The following CDH4 variants were observed in gnomAD, a reference collection of about 807,000 sequenced individuals.
CDH4 encodes cadherin 4, also known as cadherin-4.
CDH4 carries 33 observed loss-of-function variants against 86.0 expected under a neutral mutation model. The observed-to-expected ratio is 0.38, with a 90% CI of 0.29 to 0.51. The LOEUF is 0.51. CDH4 is among the 20% of genes least tolerant of loss of function. The pLI, the probability that CDH4 is intolerant of heterozygous loss-of-function variation, is 0.86. For missense variants in CDH4, 1,114 were observed against 1,307.4 expected (o/e 0.85, Z 2.28); for synonymous variants, 555 against 549.4 (o/e 1.01, Z -0.14).
chr20:61,559,397 G>A (rs920106274), intron 2 of CDH4, among the ~76,000 whole-genome samples: 1 of 152,148 alleles, frequency 6.6e-6, no homozygotes, highest in South Asian at 2.1e-4. Context: ...GACCGAAGGG[G>A]AGGACCTCCG....
At chr20:61,456,326 A>T (rs962335564) in intron 2 of CDH4, among the ~76,000 whole-genome samples, 17 of 152,224 alleles carry the variant, frequency 1.1e-4, no homozygotes, top group Admixed American at 1.1e-3. Flanking sequence ...CTTTTGGAAG[A>T]ACATTAAGTT....
chr20:61,365,814 A>C (rs2084808424), intron 2 of CDH4, among the ~76,000 whole-genome samples: 1 of 152,148 alleles, frequency 6.6e-6, no homozygotes, highest in African/African-American at 2.4e-5. Context: ...CGCTCAGATC[A>C]ACAATCAATA....
intron 2 of CDH4, among the ~76,000 whole-genome samples, chr20:61,572,044 C>T (rs1194253984): frequency 2.0e-5 from 3 of 152,064 alleles, no homozygotes; most frequent in South Asian, 2.1e-4. Context: ...GCCCTTCCCG[C>T]GTGAGTGAGA....
intron 2 of CDH4, among the ~76,000 whole-genome samples, chr20:61,601,871 T>C (rs2427170): frequency 0.6 from 91,380 of 152,116 alleles, 29,185 homozygotes; most frequent in Non-Finnish European, 0.71. Flanking sequence ...GAAAGCAGTG[T>C]CGCGTTCAGT....
intron 15 of CDH4, among the ~76,000 whole-genome samples, chr20:61,936,350 A>T (rs1271598479): frequency 3.1e-4 from 1 of 3,264 alleles, no homozygotes; most frequent in African/African-American, 1.4e-3. Flanking sequence ...CTTCCCCCAC[A>T]CCCCTTCCCC....
chr20:61,894,216 C>T (rs1984988950), intron 7 of CDH4, among the ~76,000 whole-genome samples: 1 of 152,166 alleles, frequency 6.6e-6, no homozygotes, highest in African/African-American at 2.4e-5. Flanking sequence ...CCTCTGCCAG[C>T]TCAGGGATTT....
chr20:61,898,833 G>A (rs542968477), intron 8 of CDH4, among the ~76,000 whole-genome samples: 3 of 152,328 alleles, frequency 2.0e-5, no homozygotes, highest in African/African-American at 7.2e-5. Flanking sequence ...CTCTAAAAAT[G>A]CCATGGGTGG....
chr20:61,589,993 G>A (rs934370947), intron 2 of CDH4, among the ~76,000 whole-genome samples: 2 of 152,046 alleles, frequency 1.3e-5, no homozygotes, highest in Non-Finnish European at 2.9e-5. Context: ...GCCCAGCTGG[G>A]AGAGGGAGTC....
chr20:61,844,539 TGTG>T, intron 4 of CDH4, 126 bp from the exon 5 acceptor site: 1 of 826,054 alleles, frequency 1.2e-6, no homozygotes, highest in Non-Finnish European at 1.9e-6. Flanking sequence ...AAAGATCAGC[TGTG>T]GTCCCCATTG....
intron 4 of CDH4, among the ~76,000 whole-genome samples, chr20:61,790,307 A>C (rs1159038057): frequency 1.4e-5 from 2 of 147,766 alleles, no homozygotes; most frequent in Non-Finnish European, 3.0e-5. Flanking sequence ...TCCACCCACT[A>C]TCCATCCATT....
intron 4 of CDH4, among the ~76,000 whole-genome samples, chr20:61,823,665 AT>A (rs1981171854): frequency 6.6e-6 from 1 of 152,196 alleles, no homozygotes; most frequent in African/African-American, 2.4e-5. Context: ...ACCCATGCTT[AT>A]GATTGTTGAC....
chr20:61,469,485 A>G (rs891059151), intron 2 of CDH4, among the ~76,000 whole-genome samples: 2 of 152,160 alleles, frequency 1.3e-5, no homozygotes, highest in Non-Finnish European at 2.9e-5. Context: ...AGTAGTTTGC[A>G]CATATTTTCT....
At chr20:61,931,895 C>G (rs796683719) in intron 13 of CDH4, among the ~76,000 whole-genome samples, 10 of 152,250 alleles carry the variant, frequency 6.6e-5, no homozygotes, top group African/African-American at 2.4e-4. Context: ...ACTTCTGAGC[C>G]TGTACCCCAA....
intron 2 of CDH4, among the ~76,000 whole-genome samples, chr20:61,293,386 G>A (rs1233936648): frequency 6.6e-6 from 1 of 152,096 alleles, no homozygotes; most frequent in Non-Finnish European, 1.5e-5. Flanking sequence ...GGTCCCATGG[G>A]TTCACAGAGT....
intron 3 of CDH4, among the ~76,000 whole-genome samples, chr20:61,769,061 AG>A (rs2088740092): frequency 6.6e-6 from 1 of 152,166 alleles, no homozygotes; most frequent in Non-Finnish European, 1.5e-5. Context: ...GCAGATGCCC[AG>A]AGGGCCCCTG....
intron 3 of CDH4, among the ~76,000 whole-genome samples, chr20:61,760,717 C>A (rs1387890309): frequency 6.6e-6 from 1 of 152,208 alleles, no homozygotes; most frequent in Admixed American, 6.5e-5. Flanking sequence ...GTTCAGGAAA[C>A]CTTTCCTTGT....
At chr20:61,730,131 A>G (rs1555831361) in intron 2 of CDH4, among the ~76,000 whole-genome samples, 1 of 152,034 alleles carries the variant, frequency 6.6e-6, no homozygotes, top group Non-Finnish European at 1.5e-5. Flanking sequence ...GACAATGGAA[A>G]AATAACATGT....
At chr20:61,507,833 G>T (rs1189878624) in intron 2 of CDH4, among the ~76,000 whole-genome samples, 1 of 152,162 alleles carries the variant, frequency 6.6e-6, no homozygotes, top group Non-Finnish European at 1.5e-5. Flanking sequence ...TCCATACTAA[G>T]GTAAGATGTA....
intron 2 of CDH4, among the ~76,000 whole-genome samples, chr20:61,522,753 G>C (rs966757116): frequency 6.7e-6 from 1 of 149,826 alleles, no homozygotes; most frequent in East Asian, 1.9e-4. Flanking sequence ...TGTCTTCCGC[G>C]GAAAGTTTAA....
Sources: gnomAD v4.1 joint callset for allele counts (sites outside exome capture counted in the v4.1 genomes callset) on GRCh38, gnomAD v4.1.1 for gene constraint, MANE v1.5 for transcripts, NCBI Gene and HGNC (gene_info 2026-07-23, HGNC 2026-07-21) for gene names.